SH3RF3: variants seen among roughly 807,000 people sequenced by gnomAD.
SH3RF3 encodes SH3 domain containing ring finger 3, also known as E3 ubiquitin-protein ligase SH3RF3.
Under a neutral mutation model 66.3 loss-of-function variants are expected in SH3RF3, and 29 were observed. The observed-to-expected ratio is 0.44, with a 90% CI of 0.33 to 0.60. The LOEUF (loss-of-function observed/expected upper bound fraction) is 0.60. SH3RF3 is among the 20% of genes least tolerant of loss of function. The pLI is 0.04. For missense variants in SH3RF3, 1,194 were observed against 1,190.9 expected (o/e 1.00, Z -0.04); for synonymous variants, 583 against 532.0 (o/e 1.10, Z -1.32).
chr2:109,130,030 C>T lies in SH3RF3; in HGVS notation c.490C>T (p.Pro164Ser). ...CGCGGCAGGCAGCACCCCGGGTTCC[C>T]CGGTTTTCCTCTCCGCGGCCGCGGG... ...GGAAGSTPGS[P>S]VFLSAAAGST... Residue 164 changes from proline (P) to serine (S), a missense_variant, in exon 1 of 10, where the codon CCG becomes TCG. Transcript: ENST00000309415. The T allele has an allele frequency of 1.5e-6, 2 of 1,340,896 alleles. No homozygotes were observed. The highest frequency in any genetic ancestry group is 3.9e-5 in the South Asian group (2 of 51,850). 83.1% of individuals were successfully genotyped at this position (1,340,896 alleles called of 1,614,324 possible). A position where few individuals can be genotyped will look rare whatever the true frequency, so the allele number is the denominator to read the frequency against.
intron 1 of SH3RF3, among the ~76,000 whole-genome samples, chr2:109,309,310 TAAG>T (rs1281454303): frequency 6.7e-6 from 1 of 149,072 alleles, no homozygotes; most frequent in Non-Finnish European, 1.5e-5. Flanking sequence ...CTTATCAGCT[TAAG>T]GAGATTTTGG....
intron 4 of SH3RF3, among the ~76,000 whole-genome samples, chr2:109,411,660 C>T (rs10194685): frequency 0.037 from 5,572 of 152,260 alleles, 213 homozygotes; most frequent in African/African-American, 0.094. Flanking sequence ...TTGCCTCCTA[C>T]ACAGCAGGAT....
At chr2:109,187,372 T>TTA (rs3054658) in intron 1 of SH3RF3, among the ~76,000 whole-genome samples, 4 of 151,740 alleles carry the variant, frequency 2.6e-5, no homozygotes, top group Non-Finnish European at 1.5e-5. Flanking sequence ...TTTTTTTTTT[T>TTA]AAAGGTATTA....
intron 1 of SH3RF3, among the ~76,000 whole-genome samples, chr2:109,226,204 C>T (rs973566393): frequency 1.3e-5 from 2 of 152,188 alleles, no homozygotes; most frequent in Non-Finnish European, 2.9e-5. Context: ...CTCTGCTTGT[C>T]AACATCTGCA....
chr2:109,171,941 C>G (rs1677793150), intron 1 of SH3RF3, among the ~76,000 whole-genome samples: 2 of 152,266 alleles, frequency 1.3e-5, no homozygotes, highest in South Asian at 4.1e-4. Flanking sequence ...TTGACTCCCT[C>G]CTTTCGCTGT....
At chr2:109,466,972 T>C (rs759874433) in intron 8 of SH3RF3, among the ~76,000 whole-genome samples, 20 of 152,226 alleles carry the variant, frequency 1.3e-4, no homozygotes, top group Admixed American at 4.6e-4. Flanking sequence ...TGTGTGTGTA[T>C]GTCTTCATAC....
chr2:109,150,270 T>G (rs1677198813), intron 1 of SH3RF3, among the ~76,000 whole-genome samples: 1 of 151,368 alleles, frequency 6.6e-6, no homozygotes, highest in Non-Finnish European at 1.5e-5. Flanking sequence ...AAGCCTAGGG[T>G]CCTGAGGAGC....
chr2:109,166,459 G>GAAA (rs386390872), intron 1 of SH3RF3, among the ~76,000 whole-genome samples: 98,754 of 133,884 alleles, frequency 0.74, 36,839 homozygotes, highest in South Asian at 0.84. Context: ...CCTGGTGACA[G>GAAA]AAAAAAAAAA....
chr2:109,172,771 A>G (rs998285768), intron 1 of SH3RF3, among the ~76,000 whole-genome samples: 9 of 152,214 alleles, frequency 5.9e-5, no homozygotes, highest in African/African-American at 1.9e-4. Flanking sequence ...TAAGAAACCA[A>G]ACTGCATGTG....
At chr2:109,359,926 G>C (rs1162189141) in intron 2 of SH3RF3, among the ~76,000 whole-genome samples, 1 of 152,158 alleles carries the variant, frequency 6.6e-6, no homozygotes, top group African/African-American at 2.4e-5. Context: ...CACGTGAAAA[G>C]AGAGATTTCT....
At chr2:109,336,372 TAGAAC>T (rs771194894) in intron 1 of SH3RF3, among the ~76,000 whole-genome samples, 3 of 152,200 alleles carry the variant, frequency 2.0e-5, no homozygotes, top group Non-Finnish European at 4.4e-5. Flanking sequence ...TTCTCACAGA[TAGAAC>T]AGAAAATAAC....
intron 4 of SH3RF3, among the ~76,000 whole-genome samples, chr2:109,399,886 C>T (rs545449303): frequency 9.8e-5 from 15 of 152,326 alleles, no homozygotes; most frequent in Non-Finnish European, 1.9e-4. Flanking sequence ...CATGGGTGAG[C>T]CCAAGGTGCC....
intron 4 of SH3RF3, among the ~76,000 whole-genome samples, chr2:109,403,793 T>C (rs1158816104): frequency 1.3e-5 from 2 of 152,302 alleles, no homozygotes; most frequent in South Asian, 2.1e-4. Flanking sequence ...GGTTGAGCAC[T>C]TATCCTTGCA....
intron 1 of SH3RF3, among the ~76,000 whole-genome samples, chr2:109,146,881 T>TCCCCCCCC (rs1325774239): frequency 1.3e-4 from 1 of 7,812 alleles, no homozygotes; most frequent in Non-Finnish European, 2.1e-4. Context: ...TCTTCTTTTT[T>TCCCCCCCC]CCCTCCCCCC....
At chr2:109,499,060 T>G (rs1251851609) in intron 9 of SH3RF3, among the ~76,000 whole-genome samples, 2 of 152,130 alleles carry the variant, frequency 1.3e-5, no homozygotes, top group Non-Finnish European at 2.9e-5. Context: ...TCTGAGCCTT[T>G]GCCCAAAAGG....
In SH3RF3 at chr2:109,376,147, A is replaced by G. The variant is rs558663732; in HGVS notation, c.945+4466A>G. On this transcript the variant is annotated intron_variant, in intron 3 of 9. Coordinates refer to ENST00000309415, the MANE Select transcript of SH3RF3 (RefSeq NM_001099289.3). ...TGGAGTGAAAGCTGCTCCTCGGTCC[A>G]TTGCTGTGTTGATTGAAGATCACTG... Among the ~76,000 whole-genome samples, 19 of 152,348 alleles carry G rather than the reference A, an allele frequency of 1.2e-4. No individual in the cohort carries two copies. In the South Asian group the frequency reaches 1.9e-3, roughly 15 times the overall value.
At chr2:109,407,851 G>A (rs1304516976) in intron 4 of SH3RF3, among the ~76,000 whole-genome samples, 1 of 152,184 alleles carries the variant, frequency 6.6e-6, no homozygotes, top group Non-Finnish European at 1.5e-5. Context: ...TTTAAGTGGG[G>A]ACAGAGGACA....
At chr2:109,242,123 C>T (rs1293701592) in intron 1 of SH3RF3, among the ~76,000 whole-genome samples, 1 of 152,026 alleles carries the variant, frequency 6.6e-6, no homozygotes, top group Admixed American at 6.6e-5. Context: ...CTCCTGTTTT[C>T]CCTGGTCATG....
chr2:109,497,212 G>T (rs997446957), intron 9 of SH3RF3, among the ~76,000 whole-genome samples: 1 of 152,192 alleles, frequency 6.6e-6, no homozygotes, highest in Admixed American at 6.5e-5. Flanking sequence ...AGTGTCCAGG[G>T]TATAGAAGTA....
Sources: allele counts gnomAD v4.1 joint callset (sites outside exome capture counted in the v4.1 genomes callset), GRCh38; gene constraint gnomAD v4.1.1; transcripts MANE v1.5; gene names NCBI Gene and HGNC (gene_info 2026-07-23, HGNC 2026-07-21).